The following GALNT13 variants were observed in gnomAD, a reference collection of about 807,000 sequenced individuals.
GALNT13 encodes the protein polypeptide N-acetylgalactosaminyltransferase 13, also known as UDP-GalNAc:polypeptide N-acetylgalactosaminyltransferase 13.
Under a neutral mutation model 64.2 loss-of-function variants are expected in GALNT13, and 28 were observed. The observed-to-expected ratio is 0.44, with a 90% confidence interval of 0.32 to 0.60. GALNT13 has a LOEUF of 0.60. Ranked by LOEUF, GALNT13 falls within the 20% of genes least tolerant of loss-of-function variation. The pLI is 0.05. For synonymous variants in GALNT13, 214 were observed against 224.6 expected (o/e 0.95, Z 0.42); for missense variants, 577 against 669.8 (o/e 0.86, Z 1.53).
At chr2:153,352,204 C>A in the GALNT13 span, among the ~76,000 whole-genome samples, 1 of 152,072 alleles carries the variant, frequency 6.6e-6, no homozygotes, top group African/African-American at 2.4e-5. Context: ...TCCCTGGTGA[C>A]ATATAATGTA....
intron 9 of GALNT13, among the ~76,000 whole-genome samples, chr2:154,375,147 C>T (rs1697912825): frequency 6.6e-6 from 1 of 152,044 alleles, no homozygotes; most frequent in African/African-American, 2.4e-5. Flanking sequence ...GCCACCAAGC[C>T]CAGCTAATTT....
chr2:154,035,682 G>C (rs1365765100), intron 3 of GALNT13, among the ~76,000 whole-genome samples: 1 of 151,972 alleles, frequency 6.6e-6, no homozygotes. Context: ...TTGGAACATA[G>C]TAGACCTCTG....
the GALNT13 span, among the ~76,000 whole-genome samples, chr2:153,288,418 C>A: frequency 6.6e-6 from 1 of 152,094 alleles, no homozygotes; most frequent in Non-Finnish European, 1.5e-5. Context: ...ATTTAAAATT[C>A]TGGAAATAAA....
chr2:154,074,953 G>A (rs1700911322), intron 3 of GALNT13, among the ~76,000 whole-genome samples: 1 of 151,846 alleles, frequency 6.6e-6, no homozygotes, highest in Non-Finnish European at 1.5e-5. Flanking sequence ...CATACTGAAT[G>A]GGCAAAAGCT....
the GALNT13 span, among the ~76,000 whole-genome samples, chr2:153,311,859 T>G: frequency 6.6e-6 from 1 of 152,218 alleles, no homozygotes; most frequent in Non-Finnish European, 1.5e-5. Flanking sequence ...GGGGACCATG[T>G]GACTACCAGG....
At chr2:154,175,966 C>G (rs1685623336) in intron 4 of GALNT13, among the ~76,000 whole-genome samples, 1 of 151,912 alleles carries the variant, frequency 6.6e-6, no homozygotes, top group Non-Finnish European at 1.5e-5. Context: ...AACATATTTT[C>G]CCCCATCCAA....
At chr2:154,257,969 A>G (rs1573967654) in intron 7 of GALNT13, among the ~76,000 whole-genome samples, 1 of 152,034 alleles carries the variant, frequency 6.6e-6, no homozygotes, top group Admixed American at 6.6e-5. Flanking sequence ...GTCGGGCCCC[A>G]CCCCAAGCCA....
chr2:153,145,974 GT>G, the GALNT13 span, among the ~76,000 whole-genome samples: 5 of 151,760 alleles, frequency 3.3e-5, no homozygotes, highest in African/African-American at 1.2e-4. Flanking sequence ...AGAATGTGAG[GT>G]GTATTTAGCT....
At chr2:153,711,391 A>G in the GALNT13 span, among the ~76,000 whole-genome samples, 99 of 152,270 alleles carry the variant, frequency 6.5e-4, no homozygotes, top group African/African-American at 2.2e-3. Flanking sequence ...AATAAAAGCT[A>G]CTGTATACTG....
At chr2:153,843,835 G>A in the GALNT13 span, among the ~76,000 whole-genome samples, 1 of 152,164 alleles carries the variant, frequency 6.6e-6, no homozygotes, top group Non-Finnish European at 1.5e-5. Flanking sequence ...ACCCAGCAGG[G>A]CAGTCATTAA....
At chr2:153,683,507 G>A in the GALNT13 span, among the ~76,000 whole-genome samples, 1 of 151,690 alleles carries the variant, frequency 6.6e-6, no homozygotes, top group African/African-American at 2.4e-5. Context: ...ACTTTTCAGT[G>A]TTTTTGAGGG....
chr2:154,248,856 A>T (rs955992092), intron 7 of GALNT13, among the ~76,000 whole-genome samples: 2 of 152,150 alleles, frequency 1.3e-5, no homozygotes, highest in African/African-American at 4.8e-5. Context: ...TTGAAGAAAT[A>T]TTTCTCTGCA....
the GALNT13 span, among the ~76,000 whole-genome samples, chr2:153,114,219 T>C: frequency 7.2e-5 from 11 of 152,226 alleles, no homozygotes; most frequent in African/African-American, 2.6e-4. Context: ...TATAGTCCCA[T>C]GATCTCGCTT....
chr2:153,113,946 A>G, the GALNT13 span, among the ~76,000 whole-genome samples: 2 of 152,122 alleles, frequency 1.3e-5, no homozygotes, highest in African/African-American at 4.8e-5. Context: ...AGGCTTACTA[A>G]TTATACATCG....
At chr2:154,193,400 G>GT (rs1686703883) in intron 4 of GALNT13, among the ~76,000 whole-genome samples, 1 of 152,238 alleles carries the variant, frequency 6.6e-6, no homozygotes, top group African/African-American at 2.4e-5. Context: ...CCAGAATTAG[G>GT]TCATCTCTCC....
the GALNT13 span, among the ~76,000 whole-genome samples, chr2:153,749,708 T>G: frequency 6.6e-6 from 1 of 151,836 alleles, no homozygotes; most frequent in Non-Finnish European, 1.5e-5. Context: ...CTTTGGCGAG[T>G]TTTTCAATTC....
At chr2:153,152,710 C>T in the GALNT13 span, among the ~76,000 whole-genome samples, 5,836 of 152,146 alleles carry the variant, frequency 0.038, 352 homozygotes, top group African/African-American at 0.13. Context: ...CCTCCAGCTC[C>T]GTCCATGTTC....
chr2:153,084,174 A>G, the GALNT13 span, among the ~76,000 whole-genome samples: 7 of 152,038 alleles, frequency 4.6e-5, no homozygotes, highest in East Asian at 1.4e-3. Context: ...ATAATGTGAT[A>G]CCTCCGGACT....
At chr2:153,153,894 C>T in the GALNT13 span, among the ~76,000 whole-genome samples, 1 of 151,542 alleles carries the variant, frequency 6.6e-6, no homozygotes, top group African/African-American at 2.4e-5. Flanking sequence ...TTTTTTGGTT[C>T]CTTATGAATC....
Sources: gnomAD v4.1 joint callset for allele counts (sites outside exome capture counted in the v4.1 genomes callset) on GRCh38, gnomAD v4.1.1 for gene constraint, MANE v1.5 for transcripts, NCBI Gene and HGNC (gene_info 2026-07-23, HGNC 2026-07-21) for gene names.